The following TP63 variants were observed in gnomAD, a reference collection of about 807,000 sequenced individuals.
The protein encoded by TP63 is tumor protein p63.
In TP63, 17 loss-of-function variants were observed where a neutral mutation model predicts 82.8. That is an observed-to-expected ratio of 0.21 (90% CI 0.14 to 0.31). The LOEUF (loss-of-function observed/expected upper bound fraction) is 0.31, where lower values mean the gene tolerates loss of function less well. Among genes scored for constraint, TP63 ranks in the 10% least tolerant of loss-of-function variants. The pLI, the probability that TP63 is intolerant of heterozygous loss-of-function variation, is 1.00. For missense variants in TP63, 648 were observed against 895.3 expected (o/e 0.72, Z 3.52); for synonymous variants, 330 against 321.7 (o/e 1.03, Z -0.28).
chr3:189,805,113 C>G (rs572507740), intron 3 of TP63, among the ~76,000 whole-genome samples: 1 of 152,332 alleles, frequency 6.6e-6, no homozygotes, highest in South Asian at 2.1e-4. Flanking sequence ...GTTTCTGCTT[C>G]TTTGTTGCTT....
intron 3 of TP63, among the ~76,000 whole-genome samples, chr3:189,786,446 AACACACACACACACACACAC>A (rs59747587): frequency 6.8e-6 from 1 of 147,006 alleles, no homozygotes; most frequent in African/African-American, 2.5e-5. Flanking sequence ...GACATACCTA[AACACACACACACACACACAC>A]ACACACACAC....
chr3:189,834,198 A>T (rs542163680), intron 4 of TP63, among the ~76,000 whole-genome samples: 1 of 152,132 alleles, frequency 6.6e-6, no homozygotes, highest in South Asian at 2.1e-4. Flanking sequence ...GAAATTGGGG[A>T]TGCTTTTACT....
chr3:189,671,989 A>G (rs1714931076), intron 1 of TP63, among the ~76,000 whole-genome samples: 1 of 152,142 alleles, frequency 6.6e-6, no homozygotes, highest in East Asian at 1.9e-4. Flanking sequence ...CTATAGGGTG[A>G]ATATAGCTAA....
At chr3:189,624,855 AG>A in the TP63 span, among the ~76,000 whole-genome samples, 353 of 152,132 alleles carry the variant, frequency 2.3e-3, 2 homozygotes, top group Non-Finnish European at 1.0e-3. Context: ...ACACATGGGC[AG>A]GAGGTGTGCT....
At position 189,889,415 on chromosome 3, in the gene TP63, C is replaced by T. The variant is rs761041436; in HGVS notation, c.1583C>T (p.Pro528Leu). The change falls in exon 12 of 14, where the codon CCA (proline) becomes CTA (leucine). Residue 528 changes from proline (P) to leucine (L), a missense_variant. Transcript: ENST00000264731. ...GLSPTQALPPPLSMPSTSHCT... is the reference protein window; with the variant it reads ...GLSPTQALPPLLSMPSTSHCT... Reference sequence around the variant, plus strand: ...AGCCCCACCCAGGCACTCCCTCCCCCACTCTCCATGCCATCCACCTCCCAC... The same window carrying T: ...AGCCCCACCCAGGCACTCCCTCCCCTACTCTCCATGCCATCCACCTCCCAC... 5.6e-6 allele frequency: 9 copies of T among 1,614,018 alleles called. No homozygotes were observed. The highest frequency in any genetic ancestry group is 5.0e-5 in the Admixed American group (3 of 60,010).
At chr3:189,811,461 A>G (rs1487235253) in intron 4 of TP63, among the ~76,000 whole-genome samples, 2 of 152,134 alleles carry the variant, frequency 1.3e-5, no homozygotes, top group Admixed American at 6.5e-5. Context: ...CTTGTTCACA[A>G]CCAGGCTTAT....
At chr3:189,788,463 A>G (rs535553177) in intron 3 of TP63, among the ~76,000 whole-genome samples, 1 of 152,002 alleles carries the variant, frequency 6.6e-6, no homozygotes, top group Non-Finnish European at 1.5e-5. Context: ...TCTGGCTTCC[A>G]ATTCTCTTCT....
chr3:189,887,892 T>C (rs1014074280), intron 11 of TP63, among the ~76,000 whole-genome samples: 1 of 151,684 alleles, frequency 6.6e-6, no homozygotes, highest in Non-Finnish European at 1.5e-5. Flanking sequence ...GTTTCGCTCT[T>C]GTTGCCCAGG....
intron 13 of TP63, among the ~76,000 whole-genome samples, chr3:189,892,587 C>T (rs1242879893): frequency 6.6e-6 from 1 of 151,874 alleles, no homozygotes; most frequent in Non-Finnish European, 1.5e-5. Context: ...GGTCAGGAGA[C>T]CGAGACCATC....
chr3:189,677,067 G>C (rs1463844435), intron 1 of TP63, among the ~76,000 whole-genome samples: 1 of 148,930 alleles, frequency 6.7e-6, no homozygotes, highest in Non-Finnish European at 1.5e-5. Flanking sequence ...TTATAAGTGA[G>C]AACACATGGT....
At chr3:189,646,501 G>A (rs1474446547) in intron 1 of TP63, among the ~76,000 whole-genome samples, 1 of 146,912 alleles carries the variant, frequency 6.8e-6, no homozygotes, top group East Asian at 2.4e-4. Context: ...ATTATTTCTG[G>A]ATATACATTA....
intron 4 of TP63, among the ~76,000 whole-genome samples, chr3:189,809,646 A>T (rs1577006841): frequency 6.6e-6 from 1 of 152,358 alleles, no homozygotes; most frequent in East Asian, 1.9e-4. Context: ...TCCCTCTTTG[A>T]CAAATGGATT....
At chr3:189,699,765 T>C (rs1717664146) in intron 1 of TP63, among the ~76,000 whole-genome samples, 1 of 152,220 alleles carries the variant, frequency 6.6e-6, no homozygotes, top group South Asian at 2.1e-4. Context: ...TCACTTCTGT[T>C]ATTATAGATA....
the TP63 span, among the ~76,000 whole-genome samples, chr3:189,608,388 T>TAA: frequency 6.6e-6 from 1 of 152,184 alleles, no homozygotes; most frequent in Non-Finnish European, 1.5e-5. Context: ...TTCTTGTGAT[T>TAA]AATTCTTCAG....
At chr3:189,819,160 T>A (rs543406419) in intron 4 of TP63, among the ~76,000 whole-genome samples, 1 of 152,312 alleles carries the variant, frequency 6.6e-6, no homozygotes, top group African/African-American at 2.4e-5. Flanking sequence ...AGAAAATGTA[T>A]CCTTATTGTG....
intron 1 of TP63, among the ~76,000 whole-genome samples, chr3:189,694,011 A>C (rs760943915): frequency 3.3e-5 from 5 of 152,214 alleles, no homozygotes; most frequent in Non-Finnish European, 5.9e-5. Context: ...TATCTAAACT[A>C]TCTGAGGTTT....
At chr3:189,746,421 A>G (rs187412300) in intron 3 of TP63, among the ~76,000 whole-genome samples, 4 of 152,186 alleles carry the variant, frequency 2.6e-5, no homozygotes, top group East Asian at 3.9e-4. Flanking sequence ...AGAGAATCCT[A>G]TACCCCAGAA....
At chr3:189,831,084 T>A (rs772127592) in intron 4 of TP63, among the ~76,000 whole-genome samples, 1 of 152,216 alleles carries the variant, frequency 6.6e-6, no homozygotes, top group Non-Finnish European at 1.5e-5. Flanking sequence ...TGGTTTATCT[T>A]CCCAGTGCCA....
the TP63 span, among the ~76,000 whole-genome samples, chr3:189,626,225 A>G: frequency 4.4e-4 from 67 of 152,314 alleles, no homozygotes; most frequent in Middle Eastern, 3.4e-3. Context: ...GATCCTCCCC[A>G]TGACAGAACT....
Sources: gnomAD v4.1 joint callset for allele counts (sites outside exome capture counted in the v4.1 genomes callset) on GRCh38, gnomAD v4.1.1 for gene constraint, MANE v1.5 for transcripts, NCBI Gene and HGNC (gene_info 2026-07-23, HGNC 2026-07-21) for gene names.